Variants in CDK12 observed in about 807,000 individuals in gnomAD.
CDK12 encodes the protein cyclin-dependent kinase 12.
Under a neutral mutation model 133.8 loss-of-function variants are expected in CDK12, and 17 were observed. That is an observed-to-expected ratio of 0.13 (90% CI 0.09 to 0.19). CDK12 has a LOEUF of 0.19. Ranked by LOEUF, CDK12 falls within the 10% of genes least tolerant of loss-of-function variation. The pLI is 1.00. For synonymous variants in CDK12, 694 were observed against 683.6 expected (o/e 1.02, Z -0.24); for missense variants, 1,508 against 1,818.7 (o/e 0.83, Z 3.11).
At chr17:39,555,562 G>T (rs1231473001) in intron 2 of CDK12, among the ~76,000 whole-genome samples, 1 of 152,008 alleles carries the variant, frequency 6.6e-6, no homozygotes, top group East Asian at 1.9e-4. Flanking sequence ...GCTGGGAGAT[G>T]CATAATAAAG....
At chr17:39,555,235 A>G (rs1292311305) in intron 2 of CDK12, among the ~76,000 whole-genome samples, 3 of 152,248 alleles carry the variant, frequency 2.0e-5, no homozygotes, top group Non-Finnish European at 4.4e-5. Context: ...CCTGGGCAAC[A>G]GAGCGAGACT....
At chr17:39,523,598 A>G (rs1335125004) in intron 11 of CDK12, among the ~76,000 whole-genome samples, 1 of 152,206 alleles carries the variant, frequency 6.6e-6, no homozygotes, top group Non-Finnish European at 1.5e-5. Context: ...AATGGATAGG[A>G]TGTTAGTTCA....
intron 2 of CDK12, among the ~76,000 whole-genome samples, chr17:39,473,496 C>T (rs1597941990): frequency 6.6e-6 from 1 of 152,096 alleles, no homozygotes; most frequent in African/African-American, 2.4e-5. Flanking sequence ...AATTTCAGCA[C>T]TCTGGAAAGC....
In CDK12 at chr17:39,474,104, G is replaced by T. The variant is rs190735086; in HGVS notation, c.1931+2341G>T. Among the ~76,000 whole-genome samples, 6 of 152,204 alleles carry T rather than the reference G, an allele frequency of 3.9e-5. No homozygotes were observed. The East Asian group carries it at 1.2e-3, about 29-fold the overall frequency. ...TTAATATCTTGACAGGACTAACTAG[G>T]CAAGTACCACCAAACACACTTGCTT... On this transcript the variant is annotated intron_variant, in intron 2 of 13. Transcript: ENST00000447079.
chr17:39,494,738 T>C (rs1276243135), intron 5 of CDK12, 44 bp downstream of exon 5: 2 of 1,261,504 alleles, frequency 1.6e-6, no homozygotes, highest in Admixed American at 2.7e-5. Flanking sequence ...ACTGGTCCAA[T>C]CTTTGCCTTT....
At chr17:39,476,258 C>T (rs1323687660) in intron 2 of CDK12, among the ~76,000 whole-genome samples, 6 of 149,602 alleles carry the variant, frequency 4.0e-5, no homozygotes, top group East Asian at 2.0e-4. Flanking sequence ...CACAGGCACC[C>T]GCCACCACAC....
upstream of CDK12, among the ~76,000 whole-genome samples, chr17:39,545,354 A>AT (rs754509569): frequency 1.3e-5 from 2 of 151,362 alleles, no homozygotes; most frequent in African/African-American, 2.4e-5. Flanking sequence ...TGCCTAGGTA[A>AT]TTTTTTGTAT....
intron 2 of CDK12, chr17:39,551,204 T>G (rs1465428486): frequency 6.6e-6 from 1 of 152,148 alleles, no homozygotes; most frequent in Non-Finnish European, 1.5e-5. Context: ...TATTCTCCAT[T>G]GCTTGAAGTC....
At chr17:39,499,684 A>ATTT (rs1052361005) in intron 5 of CDK12, among the ~76,000 whole-genome samples, 3 of 133,324 alleles carry the variant, frequency 2.3e-5, no homozygotes, top group Middle Eastern at 4.2e-3. Context: ...TAATTTTTGT[A>ATTT]TTTTTTTTTA....
At chr17:39,479,586 T>TAA (rs1408952899) in intron 2 of CDK12, among the ~76,000 whole-genome samples, 1 of 152,122 alleles carries the variant, frequency 6.6e-6, no homozygotes, top group Non-Finnish European at 1.5e-5. Flanking sequence ...ACATAAAGCT[T>TAA]ACATTAGAGG....
chr17:39,496,564 G>A (rs2052128999), intron 5 of CDK12, among the ~76,000 whole-genome samples: 1 of 152,052 alleles, frequency 6.6e-6, no homozygotes, highest in African/African-American at 2.4e-5. Flanking sequence ...GCTGGGCATG[G>A]TGGCTAGCGC....
chr17:39,505,194 A>T (rs1341836591), intron 6 of CDK12, among the ~76,000 whole-genome samples: 1 of 142,274 alleles, frequency 7.0e-6, no homozygotes, highest in Non-Finnish European at 1.5e-5. Context: ...GCGCCACTGC[A>T]CTCCAGCCTG....
rs893347738 is a variant in CDK12, at chr17:39,474,781, CTT to C, written c.1931+3039_1931+3040del. On this transcript the variant is annotated intron_variant, in intron 2 of 13. Coordinates refer to ENST00000447079, the MANE Select transcript of CDK12 (RefSeq NM_016507.4). ...ACTATAGAAAGAAATATGATGTTTC[CTT>C]TTTTTTTTTTTTTTTTTTTTGGCAT... Among the ~76,000 whole-genome samples the C allele has an allele frequency of 1.0e-3, 94 of 94,090 alleles. 1 individual carries two copies. The highest frequency in any genetic ancestry group is 3.5e-3 in the African/African-American group (76 of 21,896). 61.7% of individuals were successfully genotyped at this position (94,090 alleles called of 152,430 possible).
chr17:39,537,681 G>A (rs1054467495), downstream of CDK12, among the ~76,000 whole-genome samples: 3 of 151,726 alleles, frequency 2.0e-5, no homozygotes, highest in Non-Finnish European at 4.4e-5. Flanking sequence ...TCCTGTCTCA[G>A]CCTCCCAAGT....
chr17:39,539,711 G>T (rs1321024531), intron 1 of CDK12, among the ~76,000 whole-genome samples: 1 of 152,138 alleles, frequency 6.6e-6, no homozygotes, highest in Non-Finnish European at 1.5e-5. Flanking sequence ...ATCAATGCAG[G>T]TTGTAATATA....
intron 2 of CDK12, among the ~76,000 whole-genome samples, chr17:39,481,633 GCTCTCTCTCTCTCTCTCTCTCT>G (rs58047556): frequency 0.011 from 195 of 17,618 alleles, 11 homozygotes; most frequent in Non-Finnish European, 0.019. Flanking sequence ...TCGCTCGCGC[GCTCTCTCTCTCTCTCTCTCTCT>G]CTCTCTCTCT....
chr17:39,466,721 G>A (rs1237759805), intron 1 of CDK12, among the ~76,000 whole-genome samples: 1 of 138,738 alleles, frequency 7.2e-6, no homozygotes, highest in African/African-American at 2.6e-5. Context: ...AAAAATTGGA[G>A]ACACAATATG....
chr17:39,468,036 G>A (rs1487803334), intron 1 of CDK12, among the ~76,000 whole-genome samples: 1 of 151,842 alleles, frequency 6.6e-6, no homozygotes, highest in African/African-American at 2.4e-5. Flanking sequence ...TGGGATTACA[G>A]GCGCACACCA....
In CDK12 at chr17:39,471,479, CCCTTTGCCA is replaced by C. The variant is rs781499040; in HGVS notation, c.1656_1664del (p.Leu554_Pro556del). 3.7e-6 allele frequency: 6 copies of C among 1,613,840 alleles called. No individual in the cohort carries two copies. Among genetic ancestry groups the C allele is most frequent in the Non-Finnish European group, 5.1e-6 (6 of 1,179,936 alleles). ...CTACTACCCCTCCACCTCAGACACC[CCCTTTGCCA>C]CCTTTGCCTCCAATACCAGCTCTTC... On this transcript the variant is annotated inframe_deletion, in exon 2 of 14. Coordinates refer to ENST00000447079, the MANE Select transcript of CDK12 (RefSeq NM_016507.4).
Sources: allele counts gnomAD v4.1 joint callset (sites outside exome capture counted in the v4.1 genomes callset), GRCh38; gene constraint gnomAD v4.1.1; transcripts MANE v1.5; gene names NCBI Gene and HGNC (gene_info 2026-07-23, HGNC 2026-07-21).